YTHDF2: variants seen among roughly 807,000 people sequenced by gnomAD.
YTHDF2 encodes YTH domain-containing family protein 2.
A neutral mutation model predicts 50.4 loss-of-function variants in YTHDF2; 2 were observed. The observed-to-expected ratio is 0.04, with a 90% confidence interval of 0.02 to 0.12. The LOEUF (loss-of-function observed/expected upper bound fraction) is 0.12. Ranked by LOEUF, YTHDF2 falls within the 10% of genes least tolerant of loss-of-function variation. The pLI, the probability that YTHDF2 is intolerant of heterozygous loss-of-function variation, is 1.00. For synonymous variants in YTHDF2, 217 were observed against 255.6 expected, an observed-to-expected ratio of 0.85 and a Z score of 1.44; for missense variants, 483 against 722.6, an observed-to-expected ratio of 0.67 and a Z score of 3.80.
At position 28,737,058 on chromosome 1, in the gene YTHDF2, C is replaced by T; in HGVS notation, c.-63C>T. On this transcript the variant is annotated 5_prime_UTR_variant, in exon 1 of 5. Transcript: ENST00000373812. The stretch of plus-strand genomic sequence containing the variant: ...GCCTGCTCCCGCAGACGGGGCTCAT[C>T]TGCCGCCGCCGCCGCGCTGAGGAGA... 4 of 1,553,808 alleles carry T rather than the reference C, an allele frequency of 2.6e-6. No individual in the cohort carries two copies. Among genetic ancestry groups the T allele is most frequent in the Non-Finnish European group, 2.6e-6 (3 of 1,150,818 alleles).
intron 4 of YTHDF2, among the ~76,000 whole-genome samples, chr1:28,761,129 G>GTTTT (rs1440540368): frequency 4.3e-4 from 15 of 35,256 alleles, no homozygotes; most frequent in Middle Eastern, 0.015. Flanking sequence ...GTGTGTGTGT[G>GTTTT]TATTTTTTTT....
Position 28,737,303 on chromosome 1 carries a change from T to C in YTHDF2, c.27+156T>C, listed in dbSNP as rs941751234. ...TCTCAGGCCGGCCGCGCCCGGCGCCTCTCCCTCAGCCTGTTCTTCCCGCTT... is the reference window on the plus strand; with the variant it reads ...TCTCAGGCCGGCCGCGCCCGGCGCCCCTCCCTCAGCCTGTTCTTCCCGCTT... On this transcript the variant is annotated intron_variant, in intron 1 of 4. Coordinates refer to ENST00000373812, the MANE Select transcript of YTHDF2 (RefSeq NM_016258.3). 1.3e-5 allele frequency: 13 copies of C among 968,162 alleles called. 1 individual carries two copies. The Admixed American group carries it at 4.4e-4, about 33-fold the overall frequency. The allele number at this position is 968,162 out of a possible 1,614,324, so 60.0% of individuals were successfully genotyped here.
At position 28,749,827 on chromosome 1, in the gene YTHDF2, T is replaced by C. The variant is rs538231026; in HGVS notation, c.1716+5841T>C. Among the ~76,000 whole-genome samples the C allele has an allele frequency of 3.7e-4, 56 of 151,714 alleles. No individual in the cohort carries two copies. In the South Asian group the frequency reaches 0.011, roughly 31 times the overall value. On this transcript the variant is annotated intron_variant, in intron 4 of 4. Transcript: ENST00000373812. ...GAATAACTGCAGAGCAAATGGAGAGTGAGGAGAGAGTTGAGTTACAGAGGA... is the reference window on the plus strand; with the variant it reads ...GAATAACTGCAGAGCAAATGGAGAGCGAGGAGAGAGTTGAGTTACAGAGGA...
chr1:28,741,401 A>G (rs533763059), intron 3 of YTHDF2, among the ~76,000 whole-genome samples: 10 of 151,766 alleles, frequency 6.6e-5, no homozygotes, highest in African/African-American at 2.2e-4. Flanking sequence ...GGATTCAAGT[A>G]ATTCTACCGC....
intron 4 of YTHDF2, among the ~76,000 whole-genome samples, chr1:28,750,297 T>C (rs1005186377): frequency 5.9e-5 from 9 of 152,148 alleles, no homozygotes; most frequent in Non-Finnish European, 1.2e-4. Context: ...CCCAAATTTT[T>C]TTAAGACTAG....
chr1:28,756,331 G>T (rs1557547719), intron 4 of YTHDF2, among the ~76,000 whole-genome samples: 2 of 152,188 alleles, frequency 1.3e-5, no homozygotes, highest in Non-Finnish European at 2.9e-5. Context: ...GTGGGACAAG[G>T]GCTAGTTGGC....
At chr1:28,752,178 C>G (rs910043347) in intron 4 of YTHDF2, among the ~76,000 whole-genome samples, 6 of 152,176 alleles carry the variant, frequency 3.9e-5, no homozygotes, top group African/African-American at 1.4e-4. Flanking sequence ...TAATTACCAT[C>G]GTATTAGGTA....
At chr1:28,754,227 C>T (rs567262137) in intron 4 of YTHDF2, among the ~76,000 whole-genome samples, 17 of 152,290 alleles carry the variant, frequency 1.1e-4, no homozygotes, top group African/African-American at 3.6e-4. Context: ...AGGAAAGCAA[C>T]TTATCAAAAC....
In YTHDF2 at chr1:28,736,962, G is replaced by C. The variant is rs898123069; in HGVS notation, c.-159G>C. 5.7e-6 allele frequency: 5 copies of C among 873,754 alleles called. No homozygotes were observed. Among genetic ancestry groups the C allele is most frequent in the Non-Finnish European group, 8.6e-6 (5 of 580,734 alleles). 54.1% of individuals were successfully genotyped at this position (873,754 alleles called of 1,614,324 possible). On this transcript the variant is annotated 5_prime_UTR_variant, in exon 1 of 5. Transcript: ENST00000373812. ...GCTAGAGCGTCGCCGAGTCGGAGCC[G>C]GAGCCTGAGCCGCGCGCTGTGTCTC...
At chr1:28,762,599 G>A (rs896599877) in intron 4 of YTHDF2, among the ~76,000 whole-genome samples, 1 of 152,156 alleles carries the variant, frequency 6.6e-6, no homozygotes, top group African/African-American at 2.4e-5. Context: ...AGGTGAATAT[G>A]AATATGCCTC....
At chr1:28,765,744 C>T (rs1204543003) in intron 4 of YTHDF2, among the ~76,000 whole-genome samples, 1 of 152,158 alleles carries the variant, frequency 6.6e-6, no homozygotes, top group African/African-American at 2.4e-5. Flanking sequence ...AGCTACCATG[C>T]TGGGCCTTGG....
intron 4 of YTHDF2, among the ~76,000 whole-genome samples, chr1:28,763,294 GAC>G (rs2124206338): frequency 6.6e-6 from 1 of 152,078 alleles, no homozygotes; most frequent in Non-Finnish European, 1.5e-5. Flanking sequence ...TTTTATTTGA[GAC>G]AGAGTTTTGC....
intron 4 of YTHDF2, among the ~76,000 whole-genome samples, chr1:28,754,509 G>C (rs1416145291): frequency 6.7e-6 from 1 of 148,816 alleles, no homozygotes; most frequent in Non-Finnish European, 1.5e-5. Flanking sequence ...CAGCCTGGGC[G>C]AAAGAGCGAG....
intron 3 of YTHDF2, among the ~76,000 whole-genome samples, chr1:28,739,390 C>A (rs1358440965): frequency 6.6e-6 from 1 of 150,986 alleles, no homozygotes; most frequent in Non-Finnish European, 1.5e-5. Context: ...TCTCGGCTCA[C>A]TGCAACCTCT....
Position 28,744,077 on chromosome 1 carries a change from C to T in YTHDF2, c.1716+91C>T. The T allele has an allele frequency of 6.0e-6, 8 of 1,332,150 alleles. No homozygotes were observed. The South Asian group carries it at 1.3e-4, about 22-fold the overall frequency. 82.5% of individuals were successfully genotyped at this position (1,332,150 alleles called of 1,614,324 possible). On this transcript the variant is annotated intron_variant, in intron 4 of 4. Coordinates refer to ENST00000373812, the MANE Select transcript of YTHDF2 (RefSeq NM_016258.3). Reference sequence around the variant, plus strand: ...ATATAGTGAACCGTTAATAAAAACTCTGTAAATGAATACAGTATCACCTAA... The same window carrying T: ...ATATAGTGAACCGTTAATAAAAACTTTGTAAATGAATACAGTATCACCTAA...
intron 4 of YTHDF2, among the ~76,000 whole-genome samples, chr1:28,766,787 A>G (rs935654059): frequency 6.6e-6 from 1 of 151,670 alleles, no homozygotes; most frequent in South Asian, 2.1e-4. Flanking sequence ...GAAGGAGCCT[A>G]CTGATGCCCT....
At chr1:28,738,206 G>A (rs2087724186) in intron 2 of YTHDF2, 53 bp from the exon 3 acceptor site, 1 of 1,445,628 alleles carries the variant, frequency 6.9e-7, no homozygotes, top group Non-Finnish European at 9.7e-7. Context: ...GAACTAATTT[G>A]AAAGGAAGAT....
At chr1:28,737,917 A>T (rs1157027162) in intron 2 of YTHDF2, 1 of 595,096 alleles carries the variant, frequency 1.7e-6, no homozygotes, top group African/African-American at 1.9e-5. Context: ...GAAACGCTCC[A>T]GGTCCTTAGT....
chr1:28,754,529 CAAAA>C (rs35636702), intron 4 of YTHDF2, among the ~76,000 whole-genome samples: 3 of 138,438 alleles, frequency 2.2e-5, no homozygotes, highest in African/African-American at 7.9e-5. Flanking sequence ...GACTGTGTCT[CAAAA>C]AAAAAATTGG....
Sources: allele counts gnomAD v4.1 joint callset (sites outside exome capture counted in the v4.1 genomes callset), GRCh38; gene constraint gnomAD v4.1.1; transcripts MANE v1.5; gene names NCBI Gene and HGNC (gene_info 2026-07-23, HGNC 2026-07-21).